SLC35F1: variants seen among roughly 807,000 people sequenced by gnomAD.
SLC35F1 encodes the protein solute carrier family 35 member F1, also known as chromosome 6 open reading frame 169.
Under a neutral mutation model 48.7 loss-of-function variants are expected in SLC35F1, and 14 were observed. That is an observed-to-expected ratio of 0.29 (90% CI 0.19 to 0.45). The LOEUF is 0.45. Among genes scored for constraint, SLC35F1 ranks in the 20% least tolerant of loss-of-function variants. The pLI is 1.00. For missense variants in SLC35F1, 404 were observed against 500.0 expected, an observed-to-expected ratio of 0.81 and a Z score of 1.83; for synonymous variants, 190 against 202.2, an observed-to-expected ratio of 0.94 and a Z score of 0.51.
chr6:118,244,440 G>T (rs530272337), intron 3 of SLC35F1, among the ~76,000 whole-genome samples: 1 of 152,374 alleles, frequency 6.6e-6, no homozygotes, highest in East Asian at 1.9e-4. Flanking sequence ...CAATTTTGCA[G>T]TCATATTGAT....
chr6:118,083,481 A>C (rs1270769058), intron 1 of SLC35F1, among the ~76,000 whole-genome samples: 2 of 152,196 alleles, frequency 1.3e-5, no homozygotes, highest in Admixed American at 6.5e-5. Flanking sequence ...AAATGAGGAA[A>C]TGTTAAGGTA....
At chr6:117,934,725 A>G (rs1776143383) in intron 1 of SLC35F1, among the ~76,000 whole-genome samples, 1 of 152,236 alleles carries the variant, frequency 6.6e-6, no homozygotes, top group African/African-American at 2.4e-5. Context: ...GTACAAAACA[A>G]ATGTCAAGAT....
chr6:118,103,083 C>A (rs1773280986), intron 1 of SLC35F1, among the ~76,000 whole-genome samples: 1 of 152,198 alleles, frequency 6.6e-6, no homozygotes, highest in Middle Eastern at 3.4e-3. Context: ...TGAAACACAG[C>A]AGGTGCCCCC....
chr6:118,226,402 C>G (rs1484770483), intron 2 of SLC35F1, among the ~76,000 whole-genome samples: 1 of 152,082 alleles, frequency 6.6e-6, no homozygotes, highest in Non-Finnish European at 1.5e-5. Context: ...AAAGAGTTAT[C>G]TGCGTTTCTG....
rs1262364071 is a variant in SLC35F1 at position 118,317,566 on chromosome 6, A to G, written c.*3314A>G. 2.0e-5 allele frequency: 3 copies of G among 152,252 alleles called. No individual in the cohort carries two copies. The highest frequency in any genetic ancestry group is 6.5e-5 in the Admixed American group (1 of 15,286). 9.4% of individuals were successfully genotyped at this position (152,252 alleles called of 1,614,324 possible). On this transcript the variant is annotated 3_prime_UTR_variant, in exon 8 of 8. Transcript: ENST00000360388. ...AAAAAAAAGTTACACCGATAAGTTCAACAAACTGTCCATTTTTGATATTTG... is the reference window on the plus strand; with the variant it reads ...AAAAAAAAGTTACACCGATAAGTTCGACAAACTGTCCATTTTTGATATTTG...
At chr6:118,268,738 T>C (rs1775811497) in intron 4 of SLC35F1, among the ~76,000 whole-genome samples, 1 of 151,094 alleles carries the variant, frequency 6.6e-6, no homozygotes, top group South Asian at 2.1e-4. Context: ...GCCTCCCAAG[T>C]AGCTGGGATT....
intron 2 of SLC35F1, among the ~76,000 whole-genome samples, chr6:118,184,628 A>T (rs769828530): frequency 6.6e-6 from 1 of 152,162 alleles, no homozygotes; most frequent in Non-Finnish European, 1.5e-5. Flanking sequence ...AAAAATATGT[A>T]CCATACATGT....
chr6:118,204,611 C>A (rs1358177306), intron 2 of SLC35F1, among the ~76,000 whole-genome samples: 2 of 152,148 alleles, frequency 1.3e-5, no homozygotes, highest in Non-Finnish European at 2.9e-5. Flanking sequence ...TATCATGAAG[C>A]TATTGACTCT....
intron 4 of SLC35F1, 132 bp from the exon 5 acceptor site, chr6:118,275,327 T>G (rs374352672): frequency 4.1e-6 from 4 of 973,506 alleles, no homozygotes; most frequent in Non-Finnish European, 4.4e-6. Context: ...TAAATCTCAG[T>G]TGGAAATTGC....
intron 1 of SLC35F1, among the ~76,000 whole-genome samples, chr6:117,992,190 T>C (rs1776927903): frequency 6.6e-6 from 1 of 152,168 alleles, no homozygotes; most frequent in African/African-American, 2.4e-5. Flanking sequence ...TTTTAACTTC[T>C]TGTATATTCT....
At chr6:117,945,381 G>A (rs1055141156) in intron 1 of SLC35F1, among the ~76,000 whole-genome samples, 10 of 152,148 alleles carry the variant, frequency 6.6e-5, no homozygotes, top group African/African-American at 2.4e-4. Flanking sequence ...TATTTATTCA[G>A]TACTTGCTAC....
intron 2 of SLC35F1, among the ~76,000 whole-genome samples, chr6:118,199,265 G>C (rs1774842035): frequency 6.6e-6 from 1 of 152,252 alleles, no homozygotes; most frequent in Non-Finnish European, 1.5e-5. Context: ...AACCCCAAGT[G>C]GGAGGGGTAA....
chr6:118,221,419 C>A (rs767282361), intron 2 of SLC35F1, among the ~76,000 whole-genome samples: 1 of 152,076 alleles, frequency 6.6e-6, no homozygotes, highest in Non-Finnish European at 1.5e-5. Context: ...GCCAAGTATT[C>A]CTCCTGACCT....
At chr6:118,090,590 G>C (rs1231681254) in intron 1 of SLC35F1, among the ~76,000 whole-genome samples, 1 of 152,110 alleles carries the variant, frequency 6.6e-6, no homozygotes, top group East Asian at 1.9e-4. Context: ...GCATGGGCTT[G>C]CCATAGTTGA....
intron 1 of SLC35F1, among the ~76,000 whole-genome samples, chr6:117,982,579 T>C (rs1444369817): frequency 1.3e-5 from 2 of 152,332 alleles, no homozygotes; most frequent in East Asian, 1.9e-4. Flanking sequence ...TGACATTTAA[T>C]TGGAGCAGAA....
chr6:117,939,359 C>G (rs1426863817), intron 1 of SLC35F1, among the ~76,000 whole-genome samples: 1 of 152,196 alleles, frequency 6.6e-6, no homozygotes, highest in Non-Finnish European at 1.5e-5. Flanking sequence ...ATTTCCCAGA[C>G]AGATCTGAGT....
chr6:118,109,764 G>T (rs1448225230), intron 1 of SLC35F1, among the ~76,000 whole-genome samples: 1 of 152,102 alleles, frequency 6.6e-6, no homozygotes, highest in African/African-American at 2.4e-5. Context: ...CACACCAGGA[G>T]CTGGGCTCTC....
chr6:118,120,569 T>A (rs577777940), intron 1 of SLC35F1, among the ~76,000 whole-genome samples: 3 of 152,202 alleles, frequency 2.0e-5, no homozygotes, highest in African/African-American at 4.8e-5. Context: ...CCTGTGAACA[T>A]GAATTTGTTG....
At chr6:117,965,579 G>T (rs1481776324) in intron 1 of SLC35F1, among the ~76,000 whole-genome samples, 2 of 152,172 alleles carry the variant, frequency 1.3e-5, no homozygotes, top group African/African-American at 4.8e-5. Context: ...TGGACCATGA[G>T]GTTGATTCCC....
Sources: allele counts gnomAD v4.1 joint callset (sites outside exome capture counted in the v4.1 genomes callset), GRCh38; gene constraint gnomAD v4.1.1; transcripts MANE v1.5; gene names NCBI Gene and HGNC (gene_info 2026-07-23, HGNC 2026-07-21).